IQCB1: variants seen among roughly 807,000 people sequenced by gnomAD.
The protein encoded by IQCB1 is IQ motif containing B1, also known as IQ calmodulin-binding motif-containing protein 1.
In IQCB1, 56 loss-of-function variants were observed where a neutral mutation model predicts 84.4. The observed-to-expected ratio is 0.66, with a 90% CI of 0.54 to 0.83. The LOEUF (loss-of-function observed/expected upper bound fraction) is 0.83. IQCB1 is among the 40% of genes least tolerant of loss of function. The probability of loss-of-function intolerance (pLI) is 0.00; values close to 1 mark genes in which losing one functional copy is unlikely to be tolerated. For synonymous variants in IQCB1, 210 were observed against 234.8 expected (o/e 0.89, Z 0.96); for missense variants, 629 against 682.1 (o/e 0.92, Z 0.87).
At chr3:121,815,040 CACATCAAAAA>C in intron 5 of IQCB1, among the ~76,000 whole-genome samples, 1 of 152,140 alleles carries the variant, frequency 6.6e-6, no homozygotes, top group East Asian at 1.9e-4. Context: ...AATCCAGCAG[CACATCAAAAA>C]ACTTATCAAC....
chr3:121,833,486 C>T (rs77688160), intron 2 of IQCB1, among the ~76,000 whole-genome samples: 3,223 of 152,134 alleles, frequency 0.021, 59 homozygotes, highest in Middle Eastern at 0.071. Context: ...TCCTGGCTAC[C>T]GTAATAAAAC....
At position 121,770,017 on chromosome 3, in the gene IQCB1, T is replaced by C. The variant is rs548148198; in HGVS notation, c.*328A>G. The C allele has an allele frequency of 1.9e-4, 37 of 198,522 alleles. No individual in the cohort carries two copies. Among genetic ancestry groups the C allele is most frequent in the African/African-American group, 8.4e-4 (36 of 42,836 alleles). The allele number at this position is 198,522 out of a possible 1,614,324, so 12.3% of individuals were successfully genotyped here. A position where few individuals can be genotyped will look rare whatever the true frequency, so the allele number is the denominator to read the frequency against. On this transcript the variant is annotated 3_prime_UTR_variant, in exon 15 of 15. Transcript: ENST00000310864. ...AATTTTTCAAATCAATTGTTGAAAA[T>C]ATTTATTTAGAAAAAAATATTTAGT...
chr3:121,835,038 C>A lies in IQCB1; in HGVS notation c.-174G>T, dbSNP rs1322968657. On this transcript the variant is annotated 5_prime_UTR_variant, in exon 1 of 15. Coordinates refer to ENST00000310864, the MANE Select transcript of IQCB1 (RefSeq NM_001023570.4). ...GCCGCACTACAGCGCCGCGGCCTTC[C>A]GGGGCAGCGTGCGTCGCGACGCGGG... 1.8e-6 allele frequency: 1 copy of A among 571,142 alleles called. No homozygotes were observed. Among genetic ancestry groups the A allele is most frequent in the Non-Finnish European group, 3.1e-6 (1 of 318,306 alleles). The allele number at this position is 571,142 out of a possible 1,614,324, so 35.4% of individuals were successfully genotyped here. A position where few individuals can be genotyped will look rare whatever the true frequency, so the allele number is the denominator to read the frequency against.
intron 7 of IQCB1, among the ~76,000 whole-genome samples, chr3:121,802,176 C>T (rs1161122712): frequency 1.3e-5 from 2 of 151,902 alleles, no homozygotes; most frequent in Admixed American, 6.6e-5. Context: ...TCCTCCTTTT[C>T]GATTTTCTAG....
In IQCB1 at chr3:121,835,015, C is replaced by T. The variant is rs1708204835; in HGVS notation, c.-151G>A. On this transcript the variant is annotated 5_prime_UTR_variant, in exon 1 of 15. Coordinates refer to ENST00000310864, the MANE Select transcript of IQCB1 (RefSeq NM_001023570.4). The stretch of plus-strand genomic sequence containing the variant: ...ACTAAAGAACCTGGGGCTCCCACGC[C>T]GCACTACAGCGCCGCGGCCTTCCGG... 3.8e-6 allele frequency: 2 copies of T among 525,320 alleles called. No homozygotes were observed. The highest frequency in any genetic ancestry group is 5.1e-4 in the Middle Eastern group (1 of 1,970). 32.5% of individuals were successfully genotyped at this position (525,320 alleles called of 1,614,324 possible). A position where few individuals can be genotyped will look rare whatever the true frequency, so the allele number is the denominator to read the frequency against.
chr3:121,795,596 C>G (rs1949152064), intron 9 of IQCB1, 30 bp from the exon 10 acceptor site: 2 of 1,287,416 alleles, frequency 1.6e-6, no homozygotes, highest in Non-Finnish European at 2.2e-6. Context: ...TTAGAGATAT[C>G]TCTAGGAAGG....
chr3:121,826,223 T>G, intron 4 of IQCB1, 43 bp from the exon 5 acceptor site: 2 of 1,602,142 alleles, frequency 1.2e-6, no homozygotes, highest in Non-Finnish European at 1.7e-6. Flanking sequence ...AAGTTTATGT[T>G]GAATGCTCAA....
At chr3:121,812,229 T>G (rs1949857637) in intron 5 of IQCB1, among the ~76,000 whole-genome samples, 1 of 151,960 alleles carries the variant, frequency 6.6e-6, no homozygotes, top group Non-Finnish European at 1.5e-5. Context: ...AACATCAACA[T>G]CAACAAAAAG....
At chr3:121,817,917 T>C (rs1950134614) in intron 5 of IQCB1, among the ~76,000 whole-genome samples, 1 of 152,076 alleles carries the variant, frequency 6.6e-6, no homozygotes, top group Admixed American at 6.6e-5. Flanking sequence ...CAGGAGGTCA[T>C]GTGAGCACAC....
At position 121,790,089 on chromosome 3, in the gene IQCB1, G is replaced by T; in HGVS notation, c.1113C>A (p.Leu371=). 6.2e-7 allele frequency: 1 copy of T among 1,613,354 alleles called. No individual in the cohort carries two copies. The highest frequency in any genetic ancestry group is 8.5e-7 in the Non-Finnish European group (1 of 1,179,468). ...RLSRELQLSM[L]EIVHPGQVEK... ...GCCACTCACCTGGATGAACTATTTC[G>T]AGCATACTCAGCTGCAATTCTCGGG... The change falls in exon 11 of 15, where the codon CTC becomes CTA. Residue 371 remains leucine (L), a synonymous_variant. Transcript: ENST00000310864.
chr3:121,815,785 C>T (rs2108612651), intron 5 of IQCB1, among the ~76,000 whole-genome samples: 1 of 151,832 alleles, frequency 6.6e-6, no homozygotes, highest in Non-Finnish European at 1.5e-5. Flanking sequence ...AAAAAAATTC[C>T]ATGCTTATGG....
intron 14 of IQCB1, 87 bp downstream of exon 14, chr3:121,772,470 G>C (rs998799661): frequency 1.3e-5 from 17 of 1,342,504 alleles, no homozygotes; most frequent in Non-Finnish European, 1.6e-5. Context: ...AAGATGCTTA[G>C]TAATGGTTTC....
chr3:121,786,871 G>C (rs1436003131), intron 12 of IQCB1, among the ~76,000 whole-genome samples: 1 of 152,164 alleles, frequency 6.6e-6, no homozygotes, highest in Non-Finnish European at 1.5e-5. Context: ...AAGGTAGTAA[G>C]TCAACCTAAT....
intron 9 of IQCB1, among the ~76,000 whole-genome samples, chr3:121,795,962 C>T (rs1226409351): frequency 6.6e-6 from 1 of 152,234 alleles, no homozygotes; most frequent in Admixed American, 6.5e-5. Context: ...CTGTTTAGTT[C>T]TGTAAGCTTT....
At chr3:121,824,542 G>A (rs892919861) in intron 5 of IQCB1, among the ~76,000 whole-genome samples, 1 of 150,454 alleles carries the variant, frequency 6.6e-6, no homozygotes, top group African/African-American at 2.4e-5. Flanking sequence ...AGTAAACAAA[G>A]TAGACTTCAA....
intron 10 of IQCB1, among the ~76,000 whole-genome samples, chr3:121,793,686 A>G (rs1949078588): frequency 6.6e-6 from 1 of 152,232 alleles, no homozygotes; most frequent in African/African-American, 2.4e-5. Flanking sequence ...ACAAAATGTG[A>G]GACTTAAATA....
intron 8 of IQCB1, among the ~76,000 whole-genome samples, chr3:121,798,336 T>C (rs184227760): frequency 5.9e-5 from 9 of 152,034 alleles, no homozygotes; most frequent in African/African-American, 2.2e-4. Context: ...AAAATTCCCA[T>C]ACAGTATAAC....
intron 12 of IQCB1, among the ~76,000 whole-genome samples, chr3:121,787,749 C>CAA (rs61374218): frequency 1.5e-4 from 18 of 124,118 alleles, no homozygotes; most frequent in Non-Finnish European, 2.4e-4. Flanking sequence ...GAATCCGTCT[C>CAA]AAAAAAAAAA....
chr3:121,796,565 A>G (rs1392809649), intron 9 of IQCB1, among the ~76,000 whole-genome samples: 1 of 152,100 alleles, frequency 6.6e-6, no homozygotes, highest in Non-Finnish European at 1.5e-5. Context: ...TATTAATACC[A>G]TTTCTTACAC....
Sources: allele counts gnomAD v4.1 joint callset (sites outside exome capture counted in the v4.1 genomes callset), GRCh38; gene constraint gnomAD v4.1.1; transcripts MANE v1.5; gene names NCBI Gene and HGNC (gene_info 2026-07-23, HGNC 2026-07-21).